Variants in ATP8A2 observed in about 807,000 individuals in gnomAD.
ATP8A2 encodes the protein ATPase phospholipid transporting 8A2.
A neutral mutation model predicts 165.6 loss-of-function variants in ATP8A2; 100 were observed. The ratio of observed to expected loss-of-function variants is 0.60; its 90% CI spans 0.51 to 0.71. The LOEUF is 0.71. ATP8A2 is among the 30% of genes least tolerant of loss of function. The pLI, the probability that ATP8A2 is intolerant of heterozygous loss-of-function variation, is 0.00. For missense variants in ATP8A2, 1,227 were observed against 1,479.5 expected (o/e 0.83, Z 2.80); for synonymous variants, 543 against 548.8 (o/e 0.99, Z 0.15).
chr13:25,481,537 A>G (rs1370501831), intron 2 of ATP8A2, among the ~76,000 whole-genome samples: 1 of 152,190 alleles, frequency 6.6e-6, no homozygotes, highest in East Asian at 1.9e-4. Flanking sequence ...GACTCCACCT[A>G]GCTGGGACCT....
chr13:25,465,672 T>TTTCC (rs2035619100), intron 1 of ATP8A2, among the ~76,000 whole-genome samples: 1 of 6,072 alleles, frequency 1.6e-4, no homozygotes, highest in Non-Finnish European at 5.0e-4. Flanking sequence ...GTTTTCTTTC[T>TTTCC]TTCTTTCTTT....
intron 28 of ATP8A2, among the ~76,000 whole-genome samples, chr13:25,835,401 T>C (rs1342714813): frequency 6.6e-6 from 1 of 152,094 alleles, no homozygotes; most frequent in Non-Finnish European, 1.5e-5. Context: ...TTTTACTGAC[T>C]CTACTCACCA....
chr13:25,443,636 G>A (rs1388846517), intron 1 of ATP8A2, among the ~76,000 whole-genome samples: 1 of 152,194 alleles, frequency 6.6e-6, no homozygotes, highest in Non-Finnish European at 1.5e-5. Flanking sequence ...TGCTGAGATT[G>A]TAGTCTACAT....
intron 1 of ATP8A2, among the ~76,000 whole-genome samples, chr13:25,460,997 C>G (rs1262566760): frequency 6.6e-6 from 1 of 152,146 alleles, no homozygotes; most frequent in Non-Finnish European, 1.5e-5. Context: ...TGCCTTCTAT[C>G]CAGGAGGTGC....
intron 30 of ATP8A2, among the ~76,000 whole-genome samples, chr13:25,843,801 T>G (rs1412472642): frequency 6.6e-6 from 1 of 152,134 alleles, no homozygotes; most frequent in African/African-American, 2.4e-5. Flanking sequence ...ATCCCCCTTG[T>G]AGTGGACAAC....
At chr13:25,856,120 C>G (rs1183762347) in intron 30 of ATP8A2, among the ~76,000 whole-genome samples, 1 of 152,138 alleles carries the variant, frequency 6.6e-6, no homozygotes, top group Non-Finnish European at 1.5e-5. Flanking sequence ...CTAGTGTTGT[C>G]CTTTGAAGCA....
At chr13:25,516,339 T>G (rs1401204381) in intron 2 of ATP8A2, among the ~76,000 whole-genome samples, 2 of 152,162 alleles carry the variant, frequency 1.3e-5, no homozygotes, top group Admixed American at 6.5e-5. Flanking sequence ...GGCCCTTGCC[T>G]TTGGATAACT....
chr13:25,960,481 C>T (rs1279073888), intron 33 of ATP8A2, among the ~76,000 whole-genome samples: 3 of 152,068 alleles, frequency 2.0e-5, no homozygotes, highest in African/African-American at 4.8e-5. Flanking sequence ...TGAGCTCTAG[C>T]GAAACTTCTA....
At chr13:25,605,088 A>G (rs1424946846) in intron 24 of ATP8A2, among the ~76,000 whole-genome samples, 1 of 152,236 alleles carries the variant, frequency 6.6e-6, no homozygotes, top group Admixed American at 6.5e-5. Context: ...ATAACAACCT[A>G]CTTTGTTGTG....
chr13:25,460,245 A>G (rs927037763), intron 1 of ATP8A2, among the ~76,000 whole-genome samples: 1 of 152,198 alleles, frequency 6.6e-6, no homozygotes, highest in African/African-American at 2.4e-5. Context: ...TATGCTCAGG[A>G]CAGGCAAACC....
chr13:25,501,851 T>A (rs1273112306), intron 2 of ATP8A2, among the ~76,000 whole-genome samples: 1 of 152,124 alleles, frequency 6.6e-6, no homozygotes, highest in Non-Finnish European at 1.5e-5. Context: ...CAGTCCAGAT[T>A]TTCCAGAAAG....
At chr13:25,753,377 T>A (rs2044195267) in intron 25 of ATP8A2, among the ~76,000 whole-genome samples, 1 of 152,240 alleles carries the variant, frequency 6.6e-6, no homozygotes, top group Non-Finnish European at 1.5e-5. Flanking sequence ...GGCCAGACGC[T>A]CTGGCTTGTG....
intron 1 of ATP8A2, among the ~76,000 whole-genome samples, chr13:25,434,115 A>C (rs1013731117): frequency 7.9e-5 from 12 of 152,180 alleles, no homozygotes; most frequent in Non-Finnish European, 1.6e-4. Flanking sequence ...CGAATGTAAA[A>C]AAGAAGAAAT....
At chr13:25,516,350 C>T (rs935714451) in intron 2 of ATP8A2, among the ~76,000 whole-genome samples, 5 of 152,150 alleles carry the variant, frequency 3.3e-5, no homozygotes, top group African/African-American at 4.8e-5. Flanking sequence ...TTGGATAACT[C>T]GATCTCAGAG....
chr13:25,612,658 C>G (rs997824967), intron 24 of ATP8A2, among the ~76,000 whole-genome samples: 1 of 152,066 alleles, frequency 6.6e-6, no homozygotes, highest in African/African-American at 2.4e-5. Context: ...TCCATTTGTT[C>G]TGGGGTATAG....
At chr13:25,445,252 T>G (rs1373598883) in intron 1 of ATP8A2, among the ~76,000 whole-genome samples, 2 of 152,244 alleles carry the variant, frequency 1.3e-5, no homozygotes, top group Non-Finnish European at 2.9e-5. Context: ...TTAAAGGTAT[T>G]AATACAGTTA....
intron 33 of ATP8A2, among the ~76,000 whole-genome samples, chr13:25,951,047 C>T (rs1176726414): frequency 1.3e-5 from 2 of 152,192 alleles, no homozygotes; most frequent in African/African-American, 4.8e-5. Flanking sequence ...ATTCAGACAG[C>T]CACTTTGGAG....
chr13:25,628,146 GC>G (rs1281076124), intron 24 of ATP8A2, among the ~76,000 whole-genome samples: 1 of 152,108 alleles, frequency 6.6e-6, no homozygotes, highest in African/African-American at 2.4e-5. Context: ...ACACTCCTAG[GC>G]CACCCTCCCT....
At chr13:25,939,675 G>A (rs1200250757) in intron 33 of ATP8A2, among the ~76,000 whole-genome samples, 2 of 152,072 alleles carry the variant, frequency 1.3e-5, no homozygotes, top group Non-Finnish European at 2.9e-5. Flanking sequence ...CCCTTGGCAG[G>A]GCTGGCCCTC....
Sources: gnomAD v4.1 joint callset for allele counts (sites outside exome capture counted in the v4.1 genomes callset) on GRCh38, gnomAD v4.1.1 for gene constraint, MANE v1.5 for transcripts, NCBI Gene and HGNC (gene_info 2026-07-23, HGNC 2026-07-21) for gene names.